The following NRF1 variants were observed in gnomAD, a reference collection of about 807,000 sequenced individuals.
NRF1 encodes the protein alpha palindromic-binding protein.
Under a neutral mutation model 58.5 loss-of-function variants are expected in NRF1, and 5 were observed. That is an observed-to-expected ratio of 0.09 (90% CI 0.04 to 0.18). The LOEUF is 0.18. NRF1 is among the 10% of genes least tolerant of loss of function. The pLI is 1.00. For missense variants in NRF1, 288 were observed against 657.7 expected (o/e 0.44, Z 6.15); for synonymous variants, 224 against 246.7 (o/e 0.91, Z 0.86).
chr7:129,685,214 A>G (rs1175587027), intron 4 of NRF1, among the ~76,000 whole-genome samples: 2 of 152,184 alleles, frequency 1.3e-5, no homozygotes, highest in Admixed American at 6.5e-5. Context: ...GTCTGGGACT[A>G]TTTTTGCAAC....
chr7:129,619,697 A>G (rs543269176), intron 1 of NRF1, among the ~76,000 whole-genome samples: 1 of 147,278 alleles, frequency 6.8e-6, no homozygotes, highest in South Asian at 2.1e-4. Flanking sequence ...ATGACCCCCA[A>G]TGACAAGGCT....
chr7:129,647,328 A>G (rs1801431742), intron 1 of NRF1, among the ~76,000 whole-genome samples: 1 of 151,566 alleles, frequency 6.6e-6, no homozygotes, highest in Non-Finnish European at 1.5e-5. Context: ...TGGCGCTTAC[A>G]GTATTTTCAT....
At chr7:129,671,182 A>G (rs751600733) in intron 2 of NRF1, among the ~76,000 whole-genome samples, 44 of 152,192 alleles carry the variant, frequency 2.9e-4, no homozygotes, top group Non-Finnish European at 5.6e-4. Flanking sequence ...CAAAATTCAA[A>G]CTAGTGTGTG....
chr7:129,663,036 G>T (rs896106443), intron 2 of NRF1, among the ~76,000 whole-genome samples: 2 of 152,196 alleles, frequency 1.3e-5, no homozygotes, highest in Non-Finnish European at 2.9e-5. Context: ...AACCCTGAGT[G>T]GACACAGCAC....
intron 1 of NRF1, among the ~76,000 whole-genome samples, chr7:129,638,358 G>A (rs1012273736): frequency 6.6e-6 from 1 of 152,124 alleles, no homozygotes; most frequent in African/African-American, 2.4e-5. Context: ...TATTACTGCT[G>A]GCGAGAAAGA....
chr7:129,695,148 T>G (rs966695707), intron 5 of NRF1, among the ~76,000 whole-genome samples: 1 of 152,204 alleles, frequency 6.6e-6, no homozygotes, highest in Non-Finnish European at 1.5e-5. Flanking sequence ...TAGGGCTTTA[T>G]TTTTCTGTTT....
chr7:129,677,842 A>C, intron 4 of NRF1, 84 bp downstream of exon 4: 1 of 1,540,270 alleles, frequency 6.5e-7, no homozygotes, highest in Non-Finnish European at 8.9e-7. Context: ...CAAGTATAAC[A>C]GTTGGCATTT....
chr7:129,638,122 A>G (rs992616439), intron 1 of NRF1, among the ~76,000 whole-genome samples: 5 of 137,064 alleles, frequency 3.6e-5, no homozygotes, highest in South Asian at 2.3e-4. Flanking sequence ...TCAATAGTTC[A>G]CTCTTTTTGG....
intron 4 of NRF1, among the ~76,000 whole-genome samples, chr7:129,682,515 T>G (rs1802340753): frequency 6.6e-6 from 1 of 150,894 alleles, no homozygotes; most frequent in Admixed American, 6.6e-5. Flanking sequence ...GGATTTACTA[T>G]CCTTGCCAGA....
At chr7:129,709,729 C>CTTTT (rs71527924) in intron 6 of NRF1, among the ~76,000 whole-genome samples, 21 of 127,912 alleles carry the variant, frequency 1.6e-4, no homozygotes, top group African/African-American at 2.8e-4. Flanking sequence ...TCTTTTCTTT[C>CTTTT]TTTTTTTTTT....
At chr7:129,733,394 G>C (rs1562987476) in intron 10 of NRF1, among the ~76,000 whole-genome samples, 1 of 151,976 alleles carries the variant, frequency 6.6e-6, no homozygotes, top group South Asian at 2.1e-4. Context: ...GTGAACCTGG[G>C]AGGTGGAGTT....
At chr7:129,679,432 TA>T (rs573938585) in intron 4 of NRF1, among the ~76,000 whole-genome samples, 8 of 152,160 alleles carry the variant, frequency 5.3e-5, no homozygotes, top group Non-Finnish European at 8.8e-5. Flanking sequence ...ATATGTCTGA[TA>T]AAAAAACTGA....
At chr7:129,736,191 CCT>C (rs1803706123) in intron 10 of NRF1, among the ~76,000 whole-genome samples, 1 of 151,994 alleles carries the variant, frequency 6.6e-6, no homozygotes, top group Non-Finnish European at 1.5e-5. Flanking sequence ...TTTTCACATC[CCT>C]GTTTTCTTTG....
At chr7:129,730,369 A>G (rs1562986361) in intron 10 of NRF1, among the ~76,000 whole-genome samples, 1 of 152,152 alleles carries the variant, frequency 6.6e-6, no homozygotes, top group Non-Finnish European at 1.5e-5. Context: ...ATCAGGAAGA[A>G]CCAGATGATA....
chr7:129,651,419 C>CAAA (rs11319951), intron 1 of NRF1, among the ~76,000 whole-genome samples: 3 of 133,826 alleles, frequency 2.2e-5, no homozygotes, highest in Non-Finnish European at 1.6e-5. Flanking sequence ...GACTCTGTCT[C>CAAA]AAAAAAAAAA....
At chr7:129,660,354 C>T (rs1479791073) in intron 2 of NRF1, among the ~76,000 whole-genome samples, 1 of 150,718 alleles carries the variant, frequency 6.6e-6, no homozygotes, top group Non-Finnish European at 1.5e-5. Context: ...TAACAGTCCC[C>T]CAAAGTCTTA....
intron 4 of NRF1, among the ~76,000 whole-genome samples, chr7:129,679,040 C>T (rs1433418865): frequency 6.6e-6 from 1 of 150,756 alleles, no homozygotes; most frequent in Non-Finnish European, 1.5e-5. Context: ...TCCAGAGCAC[C>T]GAAGAAAAAA....
chr7:129,680,579 T>C (rs545408881), intron 4 of NRF1, among the ~76,000 whole-genome samples: 39 of 152,308 alleles, frequency 2.6e-4, no homozygotes, highest in African/African-American at 8.9e-4. Flanking sequence ...AAATAAAATG[T>C]GGCATATCCA....
chr7:129,754,305 A>C (rs1804193986), intron 10 of NRF1, among the ~76,000 whole-genome samples: 1 of 151,452 alleles, frequency 6.6e-6, no homozygotes, highest in Admixed American at 6.6e-5. Context: ...AAAAAAAAAA[A>C]AAATTATATT....
Sources: gnomAD v4.1 joint callset for allele counts (sites outside exome capture counted in the v4.1 genomes callset) on GRCh38, gnomAD v4.1.1 for gene constraint, MANE v1.5 for transcripts, NCBI Gene and HGNC (gene_info 2026-07-23, HGNC 2026-07-21) for gene names.